NRAP: variants seen among roughly 807,000 people sequenced by gnomAD.
The protein encoded by NRAP is nebulin related anchoring protein, also known as nebulin-related-anchoring protein.
Under a neutral mutation model 225.9 loss-of-function variants are expected in NRAP, and 189 were observed. That is an observed-to-expected ratio of 0.84 (90% CI 0.74 to 0.94). NRAP has a LOEUF of 0.94. NRAP is among the 40% of genes least tolerant of loss of function. NRAP has a pLI of 0.00. For missense variants in NRAP, 2,176 were observed against 2,168.7 expected (o/e 1.00, Z -0.07); for synonymous variants, 769 against 790.7 (o/e 0.97, Z 0.46).
intron 14 of NRAP, among the ~76,000 whole-genome samples, chr10:113,638,657 G>C (rs1849017976): frequency 6.6e-6 from 1 of 152,196 alleles, no homozygotes; most frequent in African/African-American, 2.4e-5. Context: ...GCAGGAACTA[G>C]GGCAGAATGT....
intron 5 of NRAP, among the ~76,000 whole-genome samples, chr10:113,653,359 C>T (rs7088946): frequency 0.32 from 49,223 of 152,072 alleles, 8,595 homozygotes; most frequent in African/African-American, 0.47. Flanking sequence ...GGTGACTTTC[C>T]TGTAACTCGT....
At chr10:113,646,893 G>T (rs1382686245) in intron 10 of NRAP, 30 bp downstream of exon 10, 4 of 1,432,362 alleles carry the variant, frequency 2.8e-6, no homozygotes, top group Non-Finnish European at 3.9e-6. Context: ...TCTGCCTCTG[G>T]CTCTGTGGTC....
intron 31 of NRAP, 103 bp downstream of exon 31, chr10:113,610,353 TTAA>T: frequency 1.9e-6 from 1 of 524,988 alleles, no homozygotes; most frequent in Non-Finnish European, 3.3e-6. Flanking sequence ...CCATCTCAAA[TTAA>T]AAAAAAAAAA....
intron 35 of NRAP, among the ~76,000 whole-genome samples, chr10:113,602,225 A>C (rs1227087315): frequency 6.6e-6 from 1 of 152,200 alleles, no homozygotes; most frequent in Non-Finnish European, 1.5e-5. Context: ...AAGGGAAGTG[A>C]CTGCTCATGG....
intron 26 of NRAP, 98 bp downstream of exon 26, chr10:113,617,357 C>G: frequency 1.3e-6 from 1 of 785,262 alleles, no homozygotes; most frequent in Middle Eastern, 2.3e-4. Context: ...ATCCTTAGGA[C>G]AACAGAAGGA....
At chr10:113,608,367 C>G (rs553850433) in intron 32 of NRAP, 47 bp downstream of exon 32, 2 of 1,140,260 alleles carry the variant, frequency 1.8e-6, no homozygotes. Flanking sequence ...TTTTAACAAT[C>G]GAGCAGTTTT....
chr10:113,629,324 C>G (rs1564734281), intron 19 of NRAP, among the ~76,000 whole-genome samples: 2 of 152,080 alleles, frequency 1.3e-5, no homozygotes, highest in Non-Finnish European at 2.9e-5. Context: ...ATTTATTTAC[C>G]ATTTTAAACA....
rs1301600488 is a variant in NRAP, at chr10:113,631,600, T to G, written c.1751A>C (p.Lys584Thr). 6.2e-7 allele frequency: 1 copy of G among 1,603,728 alleles called. No homozygotes were observed. The highest frequency in any genetic ancestry group is 1.3e-5 in the African/African-American group (1 of 74,666). ...SGELASNIKY[K>T]EEYEKTKGKA... is the part of the protein sequence containing the mutation. The stretch of plus-strand genomic sequence containing the variant: ...GCCTTTTGTCTTTTCATATTCTTCT[T>G]TATATTTAATCTTGAGAGAAAGAAG... Residue 584 changes from lysine to threonine, a missense_variant, in exon 18 of 42, where the codon AAA becomes ACA. Transcript: ENST00000359988.
chr10:113,620,826 C>CT (rs1183266786), intron 24 of NRAP, 118 bp from the exon 25 acceptor site: 1 of 716,972 alleles, frequency 1.4e-6, no homozygotes, highest in African/African-American at 1.8e-5. Flanking sequence ...TTAGATGCCA[C>CT]TTTTGTCTTA....
At chr10:113,657,407 C>T (rs188679208) in intron 4 of NRAP, 63 bp downstream of exon 4, 60 of 841,876 alleles carry the variant, frequency 7.1e-5, no homozygotes, top group Non-Finnish European at 1.2e-4. Flanking sequence ...AATAATAATA[C>T]ACTCAATTGA....
Position 113,620,723 on chromosome 10 carries a change from A to AT in NRAP, c.2770-16_2770-15insA. ...CTGTATTGGTTCTGACAAAGGAGAA[A>AT]GAAAAAAAAAAAAAGCAGGCCATTG... On this transcript the variant is annotated splice_polypyrimidine_tract_variant and intron_variant, in intron 24 of 41. Transcript: ENST00000359988. 10 of 1,558,278 alleles carry AT rather than the reference A, an allele frequency of 6.4e-6. No homozygotes were observed. The highest frequency in any genetic ancestry group is 1.4e-5 in the African/African-American group (1 of 73,230).
Position 113,663,451 on chromosome 10 carries a change from A to C in NRAP, c.73-5T>G, listed in dbSNP as rs796940210. Reference sequence around the variant, plus strand: ...AAAACAGGCTTTATGCCATATCTAGAAATCATATAGAGAAGATTTAGCAAT... The same window carrying C: ...AAAACAGGCTTTATGCCATATCTAGCAATCATATAGAGAAGATTTAGCAAT... On this transcript the variant is annotated splice_region_variant and splice_polypyrimidine_tract_variant and intron_variant, in intron 1 of 41. Coordinates refer to ENST00000359988, the MANE Select transcript of NRAP (RefSeq NM_198060.4). The C allele has an allele frequency of 1.0e-5, 16 of 1,557,026 alleles. No homozygotes were observed. Among genetic ancestry groups the C allele is most frequent in the South Asian group, 7.8e-5 (7 of 89,844 alleles).
Position 113,612,369 on chromosome 10 carries a change from G to A in NRAP, c.3363C>T (p.Ala1121=), listed in dbSNP as rs144926022. 8.1e-6 allele frequency: 13 copies of A among 1,614,038 alleles called. No individual in the cohort carries two copies. The highest frequency in any genetic ancestry group is 4.4e-5 in the South Asian group (4 of 91,084). The part of the protein sequence containing the change: ...KAQFHLPLDM[A]ALVHAKKAQT... ...GAGCCTTCTTGGCATGCACCAGGGC[G>A]GCCATGTCCAACGGCAGATGGAACT... The change falls in exon 30 of 42, where the codon GCC becomes GCT. Residue 1121 remains alanine, a synonymous_variant. Coordinates refer to ENST00000359988, the MANE Select transcript of NRAP (RefSeq NM_198060.4).
chr10:113,659,849 C>T (rs959897822), intron 3 of NRAP, among the ~76,000 whole-genome samples: 1 of 152,162 alleles, frequency 6.6e-6, no homozygotes, highest in Non-Finnish European at 1.5e-5. Flanking sequence ...TGAAAAATCT[C>T]TTTCCTTTTT....
chr10:113,662,838 T>A, intron 2 of NRAP, 72 bp from the exon 3 acceptor site: 1 of 675,874 alleles, frequency 1.5e-6, no homozygotes. Flanking sequence ...ATTCTTAAAA[T>A]TATTTTTAAA....
At chr10:113,631,089 C>T (rs886536048) in intron 18 of NRAP, among the ~76,000 whole-genome samples, 1 of 152,106 alleles carries the variant, frequency 6.6e-6, no homozygotes, top group Admixed American at 6.5e-5. Context: ...ATTTGAATAC[C>T]ATAAGTGTTG....
intron 32 of NRAP, 102 bp downstream of exon 32, chr10:113,608,312 A>G: frequency 1.4e-6 from 1 of 706,648 alleles, no homozygotes; most frequent in Non-Finnish European, 2.5e-6. Context: ...AAACCTCCAC[A>G]TAAACACCCA....
chr10:113,659,905 A>G (rs114190847), intron 3 of NRAP, among the ~76,000 whole-genome samples: 16 of 152,252 alleles, frequency 1.1e-4, no homozygotes, highest in African/African-American at 3.6e-4. Flanking sequence ...TTCAATTGTC[A>G]AAGTCTCCCA....
chr10:113,614,463 C>T (rs955066652), intron 28 of NRAP, among the ~76,000 whole-genome samples, 167 bp from the exon 29 acceptor site: 9 of 152,202 alleles, frequency 5.9e-5, no homozygotes, highest in Admixed American at 5.9e-4. Flanking sequence ...ATGCAAGACT[C>T]CCAATGACTA....
Sources: allele counts gnomAD v4.1 joint callset (sites outside exome capture counted in the v4.1 genomes callset), GRCh38; gene constraint gnomAD v4.1.1; transcripts MANE v1.5; gene names NCBI Gene and HGNC (gene_info 2026-07-23, HGNC 2026-07-21).